CEP72: variants seen among roughly 807,000 people sequenced by gnomAD.
The protein encoded by CEP72 is centrosomal protein 72.
Under a neutral mutation model 65.7 loss-of-function variants are expected in CEP72, and 78 were observed. That is an observed-to-expected ratio of 1.19 (90% CI 0.99 to 1.43). CEP72 has a LOEUF of 1.43. CEP72 is among the 40% of genes most tolerant of loss of function. The pLI is 0.00. For missense variants in CEP72, 914 were observed against 832.9 expected, an observed-to-expected ratio of 1.10 and a Z score of -1.20; for synonymous variants, 358 against 351.7, an observed-to-expected ratio of 1.02 and a Z score of -0.20.
At position 645,264 on chromosome 5, in the gene CEP72, G is replaced by C. The variant is rs1223042545; in HGVS notation, c.1666+839G>C. Among the ~76,000 whole-genome samples, 1 of 151,960 alleles carries C rather than the reference G, an allele frequency of 6.6e-6. No homozygotes were observed. The highest frequency in any genetic ancestry group is 2.4e-5 in the African/African-American group (1 of 41,342). On this transcript the variant is annotated intron_variant, in intron 10 of 11. Transcript: ENST00000264935. The surrounding 1 kb of genome is among the most constrained non-coding windows in gnomAD (Gnocchi z 4.0). ...CCTGTGGCCGCTCTGTCTCCTTTGG[G>C]GCAGCGTCTCCTTGGATCTTTCGCC... is the stretch of plus-strand genomic sequence containing the variant.
At chr5:642,534 A>T in intron 9 of CEP72, 2 of 985,502 alleles carry the variant, frequency 2.0e-6, no homozygotes, top group Non-Finnish European at 2.4e-6. Context: ...CAGAGCTGAC[A>T]GGCGGAGCCC....
intron 5 of CEP72, among the ~76,000 whole-genome samples, 197 bp from the exon 6 acceptor site, chr5:635,175 G>A (rs1449044387): frequency 6.6e-6 from 1 of 152,224 alleles, no homozygotes; most frequent in Non-Finnish European, 1.5e-5. Context: ...TCTCGCAGGC[G>A]AGTGGCGCCA....
chr5:675,047 A>G, the CEP72 span, among the ~76,000 whole-genome samples: 3 of 24,398 alleles, frequency 1.2e-4, no homozygotes, highest in South Asian at 2.1e-3. Context: ...GGGGTACAGT[A>G]TGGCTGGGGG....
intron 1 of CEP72, among the ~76,000 whole-genome samples, chr5:615,134 C>CTTTTT (rs373343998): frequency 2.4e-4 from 29 of 120,312 alleles, no homozygotes; most frequent in Non-Finnish European, 3.3e-4. Flanking sequence ...TAGTCTTCCT[C>CTTTTT]TTTTTTTTTT....
chr5:669,551 T>C (rs73730906), downstream of CEP72, among the ~76,000 whole-genome samples: 3,711 of 152,166 alleles, frequency 0.024, 161 homozygotes, highest in African/African-American at 0.084. Context: ...CTGCCCAAGC[T>C]GACATGCGGA....
chr5:618,996 T>C lies in CEP72; in HGVS notation c.89T>C (p.Leu30Pro). The change falls in exon 2 of 12, where the codon CTT becomes CCT. Residue 30 changes from leucine (L) to proline (P), a missense_variant. Leu to Pro is a moderately conservative substitution (Grantham distance 98, BLOSUM62 -3). Coordinates refer to ENST00000264935, the MANE Select transcript of CEP72 (RefSeq NM_018140.4). ...GLGPHRDLAE[L>P]QSLSIPGTYQ... ...ACAATTTTTCTATTCTTAGCTGAGC[T>C]TCAGTCATTGTCTATTCCTGGAACT... The C allele has an allele frequency of 1.2e-6, 2 of 1,608,216 alleles. No homozygotes were observed. The highest frequency in any genetic ancestry group is 1.7e-6 in the Non-Finnish European group (2 of 1,174,840).
At chr5:615,294 C>T (rs2126725340) in intron 1 of CEP72, among the ~76,000 whole-genome samples, 1 of 152,176 alleles carries the variant, frequency 6.6e-6, no homozygotes, top group Non-Finnish European at 1.5e-5. Context: ...TGCCATCACG[C>T]CTGCCTAATT....
At chr5:636,517 C>G (rs1234782394) in intron 6 of CEP72, among the ~76,000 whole-genome samples, 2 of 152,186 alleles carry the variant, frequency 1.3e-5, no homozygotes, top group Non-Finnish European at 2.9e-5. Flanking sequence ...AGAAAACCTC[C>G]TGCCGTGAGC....
chr5:641,319 C>T (rs948524338), intron 9 of CEP72: 6 of 985,292 alleles, frequency 6.1e-6, no homozygotes, highest in Admixed American at 6.1e-5. Context: ...AGGCAGAAGC[C>T]GCCCTCCGGG....
chr5:668,993 C>A (rs1251626529), downstream of CEP72, among the ~76,000 whole-genome samples: 1 of 152,234 alleles, frequency 6.6e-6, no homozygotes, highest in African/African-American at 2.4e-5. Flanking sequence ...ATACACTTTA[C>A]ACGCGTGTCC....
At chr5:621,475 T>C (rs1406790513) in intron 3 of CEP72, among the ~76,000 whole-genome samples, 2 of 152,236 alleles carry the variant, frequency 1.3e-5, no homozygotes, top group Non-Finnish European at 2.9e-5. Flanking sequence ...GGCCCCTGGG[T>C]ACTGCCCGTT....
downstream of CEP72, among the ~76,000 whole-genome samples, chr5:655,055 A>T (rs1739336516): frequency 6.6e-6 from 1 of 152,162 alleles, no homozygotes; most frequent in Non-Finnish European, 1.5e-5. The surrounding 1 kb of genome is among the most constrained non-coding windows in gnomAD (Gnocchi z 5.0). Context: ...AATTAGGTAT[A>T]TTTTTGTTCT....
the CEP72 span, chr5:676,045 A>C: frequency 6.6e-6 from 1 of 152,102 alleles, no homozygotes; most frequent in Admixed American, 6.5e-5. Context: ...AGCTGTCAGG[A>C]AGACGAACAG....
intron 4 of CEP72, among the ~76,000 whole-genome samples, chr5:633,207 A>G (rs59829365): frequency 1.2e-5 from 1 of 85,020 alleles, no homozygotes; most frequent in Non-Finnish European, 2.1e-5. Flanking sequence ...GATTTAGACC[A>G]GTCCTGGTGG....
chr5:668,936 C>G (rs1010701167), downstream of CEP72, among the ~76,000 whole-genome samples: 1 of 152,186 alleles, frequency 6.6e-6, no homozygotes, highest in East Asian at 1.9e-4. Flanking sequence ...GGGTGATTCC[C>G]AGACCCCAAG....
rs573552385 is a variant in CEP72 at position 642,538 on chromosome 5, G to A, written c.1540-1761G>A. ...CTGGGACGAGACAGAGCTGACAGGC[G>A]GAGCCCAAAGGTGTGCCGAGCACCA... On this transcript the variant is annotated intron_variant, in intron 9 of 11. Transcript: ENST00000264935. The A allele has an allele frequency of 9.1e-6, 9 of 985,484 alleles. No individual in the cohort carries two copies. In the South Asian group the frequency reaches 1.4e-4, roughly 15 times the overall value. 61.0% of individuals were successfully genotyped at this position (985,484 alleles called of 1,614,324 possible).
In CEP72 at chr5:624,541, C is replaced by A; in HGVS notation, c.474C>A (p.Asp158Glu). ...ATTTTGCATCAGAGGACTCACTCGA[C>A]TCCAAAGAGAGCGTCCCAGCTTCTT... ...RLHFASEDSL[D>E]SKESVPASLK... Residue 158 changes from aspartate to glutamate, a missense_variant, in exon 4 of 12, where the codon GAC becomes GAA. Physicochemically the swap from Asp to Glu is conservative, Grantham distance 45. Coordinates refer to ENST00000264935, the MANE Select transcript of CEP72 (RefSeq NM_018140.4). The surrounding 1 kb of genome is among the most constrained non-coding windows in gnomAD (Gnocchi z 4.7). The A allele has an allele frequency of 6.2e-7, 1 of 1,613,970 alleles. No individual in the cohort carries two copies. The highest frequency in any genetic ancestry group is 8.5e-7 in the Non-Finnish European group (1 of 1,179,812).
rs1377316841 is a variant in CEP72 at position 642,626 on chromosome 5, TCTGCAGTTTGCCTAACCC to T, written c.1540-1661_1540-1644del. The stretch of plus-strand genomic sequence containing the variant: ...GCCGTGGACGCCTGCTTTTTTGCCC[TCTGCAGTTTGCCTAACCC>T]CTGCAGTTTGCAGGCAGCCCTGGGC... On this transcript the variant is annotated intron_variant, in intron 9 of 11. Transcript: ENST00000264935. 16 of 985,476 alleles carry T rather than the reference TCTGCAGTTTGCCTAACCC, an allele frequency of 1.6e-5. No homozygotes were observed. In the East Asian group the frequency reaches 1.8e-3, roughly 112 times the overall value. 61.0% of individuals were successfully genotyped at this position (985,476 alleles called of 1,614,324 possible). A position where few individuals can be genotyped will look rare whatever the true frequency, so the allele number is the denominator to read the frequency against.
intron 9 of CEP72, chr5:641,338 T>A (rs999779758): frequency 2.0e-6 from 2 of 985,406 alleles, no homozygotes; most frequent in South Asian, 9.4e-5. Flanking sequence ...GGAGTCCTGG[T>A]GTGAGGGCAG....
Sources: allele counts gnomAD v4.1 joint callset (sites outside exome capture counted in the v4.1 genomes callset), GRCh38; gene constraint gnomAD v4.1.1; non-coding constraint Gnocchi (gnomAD v3.1); transcripts MANE v1.5; gene names NCBI Gene and HGNC (gene_info 2026-07-23, HGNC 2026-07-21).